MVB12B: variants seen among roughly 807,000 people sequenced by gnomAD.
MVB12B encodes ESCRT-I complex subunit MVB12B.
A neutral mutation model predicts 41.6 loss-of-function variants in MVB12B; 16 were observed. The observed-to-expected ratio is 0.38, with a 90% CI of 0.26 to 0.58. MVB12B has a LOEUF of 0.58. Ranked by LOEUF, MVB12B falls within the 20% of genes least tolerant of loss-of-function variation. The pLI is 0.62. For missense variants in MVB12B, 274 were observed against 380.2 expected (o/e 0.72, Z 2.32); for synonymous variants, 133 against 139.7 (o/e 0.95, Z 0.34).
rs1830990330 is a variant in MVB12B at position 126,392,556 on chromosome 9, G to A, written c.539+361G>A. Among the ~76,000 whole-genome samples the A allele has an allele frequency of 2.0e-5, 3 of 152,212 alleles. No homozygotes were observed. Among genetic ancestry groups the A allele is most frequent in the Non-Finnish European group, 4.4e-5 (3 of 68,040 alleles). On this transcript the variant is annotated intron_variant, in intron 5 of 9. Transcript: ENST00000361171. This position sits in a 1 kb window ranked among gnomAD's most constrained non-coding sequence, Gnocchi z 4.8. ...TTTGTACCACGGGGCCAAGGCCACT[G>A]GATGTGGATATAAGTGAGGCAAAGG...
At chr9:126,481,307 C>A in intron 7 of MVB12B, 62 bp from the exon 8 acceptor site, 1 of 1,367,362 alleles carries the variant, frequency 7.3e-7, no homozygotes, top group Non-Finnish European at 1.0e-6. Context: ...TCTTCAGTTG[C>A]TGGACAACTA....
rs1487459164 is a variant in MVB12B, at chr9:126,326,975, C to T, written c.46C>T (p.Pro16Ser). The change falls in exon 1 of 10, where the codon CCG becomes TCG. Residue 16 changes from proline (P) to serine (S), a missense_variant. Physicochemically the swap from Pro to Ser is moderately conservative, Grantham distance 74. Transcript: ENST00000361171. Reference sequence around the variant, plus strand: ...GAGACGGAGCCGGGACCCGCCGCCGCCGCAGCCACCGCCGCCGCCGCCCCA... The same window carrying T: ...GAGACGGAGCCGGGACCCGCCGCCGTCGCAGCCACCGCCGCCGCCGCCCCA... ...CVRRSRDPPP[P>S]QPPPPPPQRG... is the part of the protein sequence containing the mutation. 3.9e-6 allele frequency: 1 copy of T among 259,698 alleles called. No homozygotes were observed. Among genetic ancestry groups the T allele is most frequent in the Non-Finnish European group, 7.7e-6 (1 of 129,802 alleles). 16.1% of individuals were successfully genotyped at this position (259,698 alleles called of 1,614,324 possible). A position where few individuals can be genotyped will look rare whatever the true frequency, so the allele number is the denominator to read the frequency against.
Position 126,506,352 on chromosome 9 carries a change from GGCT to G in MVB12B, c.*3091_*3093del, listed in dbSNP as rs900711845. On this transcript the variant is annotated 3_prime_UTR_variant, in exon 10 of 10. Transcript: ENST00000361171. ...CTTTGCTCCTTGTCAGAGTTGAAGA[GGCT>G]GACTTGGCCCACTGCTAAGCGGCAG... 9.3e-6 allele frequency: 1 copy of G among 107,758 alleles called. No homozygotes were observed. The highest frequency in any genetic ancestry group is 1.9e-5 in the Non-Finnish European group (1 of 52,292). The allele number at this position is 107,758 out of a possible 1,614,324, so 6.7% of individuals were successfully genotyped here. A position where few individuals can be genotyped will look rare whatever the true frequency, so the allele number is the denominator to read the frequency against.
intron 7 of MVB12B, among the ~76,000 whole-genome samples, chr9:126,471,531 A>C (rs1409555766): frequency 6.6e-6 from 1 of 152,196 alleles, no homozygotes; most frequent in East Asian, 1.9e-4. Flanking sequence ...ACTCAATTGG[A>C]ATGTCACTGA....
rs1446365033 is a variant in MVB12B, at chr9:126,436,854, A to AT, written c.757+14912dup. Among the ~76,000 whole-genome samples, 1 of 152,096 alleles carries AT rather than the reference A, an allele frequency of 6.6e-6. No individual in the cohort carries two copies. The highest frequency in any genetic ancestry group is 6.5e-5 in the Admixed American group (1 of 15,282). ...TTGCTCACAACATTTGCTTTCTTTA[A>AT]TTTTTTCCATGTTTGTGTCCTGAAT... is the stretch of plus-strand genomic sequence containing the variant. On this transcript the variant is annotated intron_variant, in intron 7 of 9. Coordinates refer to ENST00000361171, the MANE Select transcript of MVB12B (RefSeq NM_033446.3). This position sits in a 1 kb window ranked among gnomAD's most constrained non-coding sequence, Gnocchi z 4.1.
chr9:126,367,257 C>G lies in MVB12B; in HGVS notation c.205-13807C>G, dbSNP rs761268796. Among the ~76,000 whole-genome samples the G allele has an allele frequency of 4.0e-4, 61 of 152,158 alleles. No individual in the cohort carries two copies. The highest frequency in any genetic ancestry group is 6.3e-4 in the Non-Finnish European group (43 of 68,022). On this transcript the variant is annotated intron_variant, in intron 2 of 9. Coordinates refer to ENST00000361171, the MANE Select transcript of MVB12B (RefSeq NM_033446.3). This position sits in a 1 kb window ranked among gnomAD's most constrained non-coding sequence, Gnocchi z 4.3. ...CCGGGGCTCTCCAGCCACGCTCCCC[C>G]TCTTGCTCCCTAGGATGGGGCAGGT...
intron 7 of MVB12B, among the ~76,000 whole-genome samples, chr9:126,457,522 ATTATT>A (rs1209195925): frequency 2.0e-5 from 3 of 152,064 alleles, no homozygotes; most frequent in South Asian, 2.1e-4. Flanking sequence ...ATTTTTTTAA[ATTATT>A]TTATTATATT....
intron 7 of MVB12B, among the ~76,000 whole-genome samples, chr9:126,456,540 G>A (rs901260903): frequency 2.0e-5 from 3 of 152,234 alleles, no homozygotes; most frequent in Non-Finnish European, 2.9e-5. Flanking sequence ...ACAAGCTGAC[G>A]GGATACTTGG....
rs140889692 is a variant in MVB12B, at chr9:126,399,115, C to G, written c.662+3418C>G. Among the ~76,000 whole-genome samples the G allele has an allele frequency of 5.1e-3, 778 of 152,308 alleles. 11 individuals are homozygous for G. The highest frequency in any genetic ancestry group is 7.7e-3 in the Non-Finnish European group (526 of 68,030). ...AGTTGTCCTTTTGGAGCAGGCAGGTCCCCAGGGAGAGGGATGCTCCTGGGC... is the reference window on the plus strand; with the variant it reads ...AGTTGTCCTTTTGGAGCAGGCAGGTGCCCAGGGAGAGGGATGCTCCTGGGC... On this transcript the variant is annotated intron_variant, in intron 6 of 9. Coordinates refer to ENST00000361171, the MANE Select transcript of MVB12B (RefSeq NM_033446.3).
At chr9:126,419,356 T>C (rs2119083120) in intron 6 of MVB12B, among the ~76,000 whole-genome samples, 1 of 152,300 alleles carries the variant, frequency 6.6e-6, no homozygotes, top group South Asian at 2.1e-4. Context: ...AGCCCTGTGC[T>C]CAGAAGGGCC....
At chr9:126,385,133 G>A (rs1564301979) in intron 3 of MVB12B, among the ~76,000 whole-genome samples, 3 of 152,106 alleles carry the variant, frequency 2.0e-5, no homozygotes, top group Admixed American at 6.6e-5. Context: ...AACAGCGCCC[G>A]GCCTCCAGTT....
intron 1 of MVB12B, among the ~76,000 whole-genome samples, chr9:126,329,009 C>T (rs930933861): frequency 2.0e-5 from 3 of 152,044 alleles, no homozygotes; most frequent in Non-Finnish European, 4.4e-5. Flanking sequence ...TCTTGAACAC[C>T]AGAGCTTAAG....
Position 126,367,234 on chromosome 9 carries a change from G to A in MVB12B, c.205-13830G>A, listed in dbSNP as rs1030934097. ...CTCTGAGAATTTCTCCTTCCTGCCC[G>A]GGGCTCTCCAGCCACGCTCCCCCTC... On this transcript the variant is annotated intron_variant, in intron 2 of 9. Transcript: ENST00000361171. This position sits in a 1 kb window ranked among gnomAD's most constrained non-coding sequence, Gnocchi z 4.3. Among the ~76,000 whole-genome samples, 4 of 151,892 alleles carry A rather than the reference G, an allele frequency of 2.6e-5. No individual in the cohort carries two copies. The highest frequency in any genetic ancestry group is 1.9e-4 in the East Asian group (1 of 5,164).
intron 7 of MVB12B, among the ~76,000 whole-genome samples, chr9:126,472,495 C>G (rs1833336086): frequency 6.6e-6 from 1 of 151,292 alleles, no homozygotes; most frequent in Non-Finnish European, 1.5e-5. Context: ...CCACCACCCC[C>G]TTTTTCCTCC....
At chr9:126,354,022 G>A (rs1220602526) in intron 2 of MVB12B, among the ~76,000 whole-genome samples, 1 of 152,074 alleles carries the variant, frequency 6.6e-6, no homozygotes, top group Admixed American at 6.6e-5. Flanking sequence ...TTTATTGTCA[G>A]TCTTTTTATT....
At chr9:126,463,643 A>G (rs1205689609) in intron 7 of MVB12B, among the ~76,000 whole-genome samples, 2 of 152,034 alleles carry the variant, frequency 1.3e-5, no homozygotes, top group Non-Finnish European at 2.9e-5. Flanking sequence ...GGCCCTCTCA[A>G]TAGCCTTTCC....
intron 7 of MVB12B, among the ~76,000 whole-genome samples, chr9:126,465,204 T>A (rs1191119268): frequency 1.3e-5 from 2 of 152,212 alleles, no homozygotes; most frequent in African/African-American, 4.8e-5. Context: ...TCTCAAAAAT[T>A]ACCAATACAT....
chr9:126,363,895 A>G (rs1412178400), intron 2 of MVB12B, among the ~76,000 whole-genome samples: 2 of 152,102 alleles, frequency 1.3e-5, no homozygotes, highest in Non-Finnish European at 2.9e-5. Context: ...CCTCCATTGC[A>G]GTGCTTACCA....
At chr9:126,484,442 A>G (rs1267738222) in intron 9 of MVB12B, among the ~76,000 whole-genome samples, 1 of 152,048 alleles carries the variant, frequency 6.6e-6, no homozygotes, top group Non-Finnish European at 1.5e-5. Context: ...CGTCTCCACA[A>G]TTTAGGGGCA....
Sources: gnomAD v4.1 joint callset for allele counts (sites outside exome capture counted in the v4.1 genomes callset) on GRCh38, gnomAD v4.1.1 for gene constraint, Gnocchi (gnomAD v3.1) non-coding constraint, MANE v1.5 for transcripts, NCBI Gene and HGNC (gene_info 2026-07-23, HGNC 2026-07-21) for gene names.